PCDH15: variants seen among roughly 807,000 people sequenced by gnomAD.
PCDH15 encodes protocadherin-15.
Under a neutral mutation model 178.5 loss-of-function variants are expected in PCDH15, and 129 were observed. The observed-to-expected ratio is 0.72, with a 90% CI of 0.63 to 0.84. The LOEUF is 0.84. Ranked by LOEUF, PCDH15 falls within the 40% of genes least tolerant of loss-of-function variation. The pLI, the probability that PCDH15 is intolerant of heterozygous loss-of-function variation, is 0.00. For missense variants in PCDH15, 2,230 were observed against 2,099.9 expected, an observed-to-expected ratio of 1.06 and a Z score of -1.21; for synonymous variants, 800 against 732.0, an observed-to-expected ratio of 1.09 and a Z score of -1.50.
At chr10:54,496,096 C>T (rs2080084923) in intron 3 of PCDH15, among the ~76,000 whole-genome samples, 1 of 152,106 alleles carries the variant, frequency 6.6e-6, no homozygotes, top group Non-Finnish European at 1.5e-5. Context: ...AGATGTTTGC[C>T]TTGGGATGTT....
intron 1 of PCDH15, among the ~76,000 whole-genome samples, chr10:54,708,975 A>T (rs2095397731): frequency 6.6e-6 from 1 of 152,164 alleles, no homozygotes; most frequent in Non-Finnish European, 1.5e-5. Flanking sequence ...TACAATTTTT[A>T]TCGCTTGAGT....
chr10:55,564,167 G>T (rs984629878), intron 2 of PCDH15, among the ~76,000 whole-genome samples: 1 of 151,518 alleles, frequency 6.6e-6, no homozygotes, highest in African/African-American at 2.4e-5. Context: ...ATACATAATA[G>T]AGAATACTAA....
intron 2 of PCDH15, among the ~76,000 whole-genome samples, chr10:55,442,437 G>A (rs1315524187): frequency 7.8e-6 from 1 of 127,992 alleles, no homozygotes; most frequent in Non-Finnish European, 1.6e-5. Context: ...AATAGAAATA[G>A]ATGTTTTCTT....
intron 32 of PCDH15, among the ~76,000 whole-genome samples, chr10:53,827,014 T>C (rs2076723640): frequency 6.6e-6 from 1 of 151,868 alleles, no homozygotes; most frequent in African/African-American, 2.4e-5. Context: ...ATTTCTCTCG[T>C]CTCCTATGCA....
At chr10:55,272,635 C>T (rs1842476154) in intron 1 of PCDH15, among the ~76,000 whole-genome samples, 1 of 151,926 alleles carries the variant, frequency 6.6e-6, no homozygotes, top group Non-Finnish European at 1.5e-5. Flanking sequence ...TGCCCGCCCA[C>T]CTCGGCCTCC....
At chr10:53,965,620 G>A (rs1014849177) in intron 21 of PCDH15, among the ~76,000 whole-genome samples, 12 of 152,182 alleles carry the variant, frequency 7.9e-5, no homozygotes, top group South Asian at 2.1e-4. Flanking sequence ...AGTAAATCTC[G>A]CCTTAGAACA....
chr10:54,606,106 T>G (rs912977382), intron 2 of PCDH15: 3 of 152,136 alleles, frequency 2.0e-5, no homozygotes, highest in Non-Finnish European at 4.4e-5. Flanking sequence ...AGACCTCAGG[T>G]AGGAGCTAGA....
intron 4 of PCDH15, among the ~76,000 whole-genome samples, chr10:54,371,537 G>A (rs1484886612): frequency 6.6e-6 from 1 of 151,780 alleles, no homozygotes; most frequent in African/African-American, 2.4e-5. Context: ...ACTTACTGTA[G>A]TTTCAGAGAG....
chr10:54,825,024 T>A (rs1349371129), intron 3 of PCDH15, among the ~76,000 whole-genome samples: 1 of 151,190 alleles, frequency 6.6e-6, no homozygotes, highest in Non-Finnish European at 1.5e-5. Flanking sequence ...CCCTCCCCCC[T>A]CCTCCCACCC....
intron 2 of PCDH15, among the ~76,000 whole-genome samples, chr10:55,563,450 C>A (rs1842240113): frequency 1.3e-5 from 2 of 151,558 alleles, no homozygotes; most frequent in Admixed American, 6.6e-5. Flanking sequence ...CGATCTTCAG[C>A]ACAGACACAG....
intron 17 of PCDH15, among the ~76,000 whole-genome samples, chr10:54,072,006 C>CATGCTGAA (rs2094253532): frequency 6.6e-6 from 1 of 151,904 alleles, no homozygotes; most frequent in Non-Finnish European, 1.5e-5. Flanking sequence ...ATTTGTACTA[C>CATGCTGAA]ATGCTGAAAT....
At chr10:54,196,950 A>C (rs2049733632) in intron 10 of PCDH15, among the ~76,000 whole-genome samples, 1 of 152,220 alleles carries the variant, frequency 6.6e-6, no homozygotes, top group African/African-American at 2.4e-5. Flanking sequence ...CCTTGTTTAT[A>C]AGCCATCCAG....
chr10:55,090,525 A>G (rs577727155), intron 2 of PCDH15, among the ~76,000 whole-genome samples: 165 of 152,164 alleles, frequency 1.1e-3, no homozygotes, highest in Middle Eastern at 6.8e-3. Context: ...AAAAGTGCAC[A>G]TTAAAGTCAT....
intron 28 of PCDH15, among the ~76,000 whole-genome samples, chr10:53,840,887 A>G (rs1564587161): frequency 6.6e-6 from 1 of 152,214 alleles, no homozygotes; most frequent in Non-Finnish European, 1.5e-5. Flanking sequence ...ATCTCCCACT[A>G]AAGTCTGTGA....
chr10:53,898,256 C>A (rs552091859), intron 26 of PCDH15, among the ~76,000 whole-genome samples: 2 of 152,070 alleles, frequency 1.3e-5, no homozygotes, highest in Admixed American at 1.3e-4. Flanking sequence ...CATGAGCCAC[C>A]GCACCCGGCC....
In PCDH15 at chr10:54,679,211, AC is replaced by A. The variant is rs1173245193; in HGVS notation, c.-28-14922del. 7.4e-5 allele frequency among the ~76,000 whole-genome samples: 11 copies of A among 147,822 alleles called. No homozygotes were observed. In the East Asian group the frequency reaches 9.8e-4, roughly 13 times the overall value. On this transcript the variant is annotated intron_variant, in intron 1 of 37. Coordinates refer to ENST00000644397, the MANE Select transcript of PCDH15 (RefSeq NM_001384140.1). ...TCTCAAAAAAAAAAAAAAAAAAAAA[AC>A]ATACAATTGACAATAATATATGTGA... is the stretch of plus-strand genomic sequence containing the variant.
intron 1 of PCDH15, among the ~76,000 whole-genome samples, chr10:54,757,329 CT>C (rs1439069745): frequency 1.2e-4 from 3 of 25,984 alleles, no homozygotes; most frequent in East Asian, 7.7e-4. Flanking sequence ...GTCGCCCAGG[CT>C]GGAGCGCAGT....
chr10:54,115,523 C>T (rs2095098245), intron 15 of PCDH15, among the ~76,000 whole-genome samples: 1 of 152,208 alleles, frequency 6.6e-6, no homozygotes, highest in African/African-American at 2.4e-5. Context: ...AGCCCAAGGT[C>T]AAGCAGCTTT....
chr10:54,607,446 A>T (rs1014109267), intron 2 of PCDH15, among the ~76,000 whole-genome samples: 2 of 151,738 alleles, frequency 1.3e-5, no homozygotes, highest in Non-Finnish European at 2.9e-5. Context: ...ATATTAAAGA[A>T]TGGCAGTAGA....
Sources: allele counts gnomAD v4.1 joint callset (sites outside exome capture counted in the v4.1 genomes callset), GRCh38; gene constraint gnomAD v4.1.1; transcripts MANE v1.5; gene names NCBI Gene and HGNC (gene_info 2026-07-23, HGNC 2026-07-21).